Variants in CPQ observed in about 807,000 individuals in gnomAD.
The protein encoded by CPQ is carboxypeptidase Q, also known as Ser-Met dipeptidase.
A neutral mutation model predicts 45.7 loss-of-function variants in CPQ; 37 were observed. That is an observed-to-expected ratio of 0.81 (90% CI 0.62 to 1.07). The LOEUF (loss-of-function observed/expected upper bound fraction) is 1.07. CPQ is among the 50% of genes least tolerant of loss of function. The pLI is 0.00. For missense variants in CPQ, 537 were observed against 572.9 expected, an observed-to-expected ratio of 0.94 and a Z score of 0.64; for synonymous variants, 186 against 205.8, an observed-to-expected ratio of 0.90 and a Z score of 0.82.
intron 1 of CPQ, among the ~76,000 whole-genome samples, chr8:96,647,868 G>A (rs1207554373): frequency 1.3e-5 from 2 of 152,144 alleles, no homozygotes; most frequent in African/African-American, 4.8e-5. Flanking sequence ...GAGTGACATC[G>A]ACAGCTGCCA....
chr8:97,121,595 A>G (rs1466075160), intron 7 of CPQ, among the ~76,000 whole-genome samples: 1 of 152,204 alleles, frequency 6.6e-6, no homozygotes, highest in Non-Finnish European at 1.5e-5. Flanking sequence ...CTCAACATGT[A>G]AAATTTATTA....
At chr8:96,917,743 C>G (rs1162632362) in intron 4 of CPQ, among the ~76,000 whole-genome samples, 1 of 152,098 alleles carries the variant, frequency 6.6e-6, no homozygotes, top group Non-Finnish European at 1.5e-5. Context: ...TCATTTGTAT[C>G]TATTAAGATA....
At chr8:96,800,804 A>C (rs1810996988) in intron 2 of CPQ, among the ~76,000 whole-genome samples, 1 of 152,200 alleles carries the variant, frequency 6.6e-6, no homozygotes, top group South Asian at 2.1e-4. Flanking sequence ...CAATCAAAAA[A>C]CATCTTAGAA....
Position 96,841,281 on chromosome 8 carries a change from C to G in CPQ, c.641+6101C>G, listed in dbSNP as rs142058196. Among the ~76,000 whole-genome samples, 483 of 152,304 alleles carry G rather than the reference C, an allele frequency of 3.2e-3. 4 individuals are homozygous for G. The highest frequency in any genetic ancestry group is 0.021 in the South Asian group (101 of 4,830). On this transcript the variant is annotated intron_variant, in intron 3 of 7. Coordinates refer to ENST00000220763, the MANE Select transcript of CPQ (RefSeq NM_016134.4). ...AAAACAGTTCAGCATTTCCATTTCT[C>G]TGTTGTCCGCTTTTTAGATCACCCA... is the stretch of plus-strand genomic sequence containing the variant.
intron 5 of CPQ, among the ~76,000 whole-genome samples, chr8:97,013,296 CAATAAT>C (rs748517315): frequency 6.6e-6 from 1 of 151,646 alleles, no homozygotes; most frequent in Non-Finnish European, 1.5e-5. Context: ...CAAGTAATAA[CAATAAT>C]AATAATAATA....
chr8:96,656,273 C>T lies in CPQ; in HGVS notation c.-35+10871C>T, dbSNP rs547173756. Among the ~76,000 whole-genome samples, 9 of 152,206 alleles carry T rather than the reference C, an allele frequency of 5.9e-5. No homozygotes were observed. The East Asian group carries it at 7.8e-4, about 13-fold the overall frequency. Reference sequence around the variant, plus strand: ...GTAATGACCCCATGCAGGCAGAGCTCGCTATAGTTGGCTGGGTGCTGCCTT... The same window carrying T: ...GTAATGACCCCATGCAGGCAGAGCTTGCTATAGTTGGCTGGGTGCTGCCTT... On this transcript the variant is annotated intron_variant, in intron 1 of 7. Coordinates refer to ENST00000220763, the MANE Select transcript of CPQ (RefSeq NM_016134.4).
rs1811764350 is a variant in CPQ, at chr8:97,123,067, A to AAATAAAATAAAATAAAAT, written c.1256-19951_1256-19950insTAAAATAAAATAAAATAA. On this transcript the variant is annotated intron_variant, in intron 7 of 7. Transcript: ENST00000220763. ...ATAAATAAAATAAAATAAAATAAAA[A>AAATAAAATAAAATAAAAT]AAATAAAATAAAATAAATAAAATAA... is the stretch of plus-strand genomic sequence containing the variant. Among the ~76,000 whole-genome samples the AAATAAAATAAAATAAAAT allele has an allele frequency of 7.3e-5, 5 of 68,360 alleles. 1 individual carries two copies. The highest frequency in any genetic ancestry group is 5.3e-4 in the African/African-American group (5 of 9,374). The allele number at this position is 68,360 out of a possible 152,430, so 44.8% of individuals were successfully genotyped here.
intron 2 of CPQ, among the ~76,000 whole-genome samples, chr8:96,787,548 TTTTTTTTG>T (rs1810787229): frequency 9.2e-6 from 1 of 108,732 alleles, no homozygotes; most frequent in South Asian, 3.2e-4. Flanking sequence ...TTTTTTTTTT[TTTTTTTTG>T]TATCAGAGTA....
At chr8:96,932,502 G>A (rs772346330) in intron 4 of CPQ, among the ~76,000 whole-genome samples, 3 of 151,894 alleles carry the variant, frequency 2.0e-5, no homozygotes, top group Non-Finnish European at 4.4e-5. Context: ...TTAATTATAC[G>A]AACTAGAGTT....
intron 6 of CPQ, chr8:97,056,368 T>G (rs938394699): frequency 6.6e-6 from 1 of 152,088 alleles, no homozygotes; most frequent in African/African-American, 2.4e-5. Flanking sequence ...GAAGAGGCCT[T>G]TAGTCTGTTT....
chr8:97,050,236 T>G (rs191297223), intron 6 of CPQ, among the ~76,000 whole-genome samples: 2 of 152,338 alleles, frequency 1.3e-5, no homozygotes, highest in South Asian at 2.1e-4. Flanking sequence ...ATGAAGAATT[T>G]TAATCAATAA....
chr8:97,073,107 T>G (rs1378691334), intron 7 of CPQ, among the ~76,000 whole-genome samples: 1 of 152,232 alleles, frequency 6.6e-6, no homozygotes, highest in Non-Finnish European at 1.5e-5. Context: ...AAATCATATT[T>G]TAGTTTATGT....
intron 1 of CPQ, among the ~76,000 whole-genome samples, chr8:96,675,594 T>G (rs1031037076): frequency 6.6e-6 from 1 of 152,070 alleles, no homozygotes; most frequent in African/African-American, 2.4e-5. Flanking sequence ...AGAGGAATAT[T>G]TATGTTAAAA....
intron 1 of CPQ, among the ~76,000 whole-genome samples, chr8:96,713,349 C>G (rs1809638133): frequency 6.6e-6 from 1 of 152,172 alleles, no homozygotes; most frequent in South Asian, 2.1e-4. Context: ...ACAGCAGCGC[C>G]CCATTCCCGT....
intron 2 of CPQ, among the ~76,000 whole-genome samples, chr8:96,826,588 C>A (rs1811381420): frequency 6.6e-6 from 1 of 151,962 alleles, no homozygotes; most frequent in African/African-American, 2.4e-5. Flanking sequence ...ATGCCATTCT[C>A]CTGGCTGAGG....
At chr8:97,037,347 T>C (rs143328864) in intron 6 of CPQ, among the ~76,000 whole-genome samples, 1 of 152,258 alleles carries the variant, frequency 6.6e-6, no homozygotes, top group Non-Finnish European at 1.5e-5. Context: ...ATTATACTCA[T>C]GTTGAGCTCT....
chr8:96,803,773 C>A (rs1312742408), intron 2 of CPQ, among the ~76,000 whole-genome samples: 1 of 152,172 alleles, frequency 6.6e-6, no homozygotes, highest in African/African-American at 2.4e-5. Context: ...ACTAATACTG[C>A]CACAACAGTG....
At chr8:97,126,787 TTC>T (rs1811854383) in intron 7 of CPQ, among the ~76,000 whole-genome samples, 1 of 152,156 alleles carries the variant, frequency 6.6e-6, no homozygotes, top group Non-Finnish European at 1.5e-5. Flanking sequence ...TTCAAAAACT[TTC>T]ATCTACAATA....
intron 1 of CPQ, among the ~76,000 whole-genome samples, chr8:96,764,398 T>C (rs1250123721): frequency 6.6e-6 from 1 of 152,184 alleles, no homozygotes; most frequent in Non-Finnish European, 1.5e-5. Context: ...CCAAGGAGCC[T>C]GAAGAACCTT....
Sources: allele counts gnomAD v4.1 joint callset (sites outside exome capture counted in the v4.1 genomes callset), GRCh38; gene constraint gnomAD v4.1.1; transcripts MANE v1.5; gene names NCBI Gene and HGNC (gene_info 2026-07-23, HGNC 2026-07-21).